C11orf21: variants seen among roughly 807,000 people sequenced by gnomAD.
The protein encoded by C11orf21 is uncharacterized protein C11orf21.
A neutral mutation model predicts 15.2 loss-of-function variants in C11orf21; 19 were observed. The observed-to-expected ratio is 1.25, with a 90% CI of 0.87 to 1.84. The LOEUF (loss-of-function observed/expected upper bound fraction) is 1.84. Ranked by LOEUF, C11orf21 falls within the 40% of genes most tolerant of loss-of-function variation. The pLI is 0.00. For synonymous variants in C11orf21, 62 were observed against 66.8 expected (o/e 0.93, Z 0.35); for missense variants, 171 against 174.4 (o/e 0.98, Z 0.11).
At chr11:2,298,014 A>C (rs1488551061) in intron 3 of C11orf21, 93 bp from the exon 4 acceptor site, 1 of 152,178 alleles carries the variant, frequency 6.6e-6, no homozygotes, top group East Asian at 1.9e-4. Flanking sequence ...AGGGACCTTC[A>C]TGTCCTCATC....
At chr11:2,301,287 C>A in intron 1 of C11orf21, 1 of 195,056 alleles carries the variant, frequency 5.1e-6, no homozygotes, top group South Asian at 8.8e-5. Context: ...CGAGCAGAGC[C>A]GCCTGTTAGC....
rs1351168104 is a variant in C11orf21, at chr11:2,301,738, C to T, written c.53+18G>A. ...AGGCCCAGTCCACACTTGCTCACTC[C>T]CAGGACGGGGAGCTCACCTCCTCCT... On this transcript the variant is annotated intron_variant, in intron 1 of 3. Transcript: ENST00000381153. 1 of 1,543,474 alleles carries T rather than the reference C, an allele frequency of 6.5e-7. No individual in the cohort carries two copies.
chr11:2,297,100 G>C lies in C11orf21; in HGVS notation c.*850C>G, dbSNP rs971522383. On this transcript the variant is annotated 3_prime_UTR_variant, in exon 4 of 4. Coordinates refer to ENST00000381153, the MANE Select transcript of C11orf21 (RefSeq NM_001329958.2). ...CTGCTGGCAACTGGTCACCCAGAGA[G>C]CATGGGCTGCAGGGATGGCCCTGAG... The C allele has an allele frequency of 5.3e-5, 8 of 152,366 alleles. No individual in the cohort carries two copies. Among genetic ancestry groups the C allele is most frequent in the Non-Finnish European group, 1.2e-4 (8 of 68,156 alleles). 9.4% of individuals were successfully genotyped at this position (152,366 alleles called of 1,614,324 possible). A position where few individuals can be genotyped will look rare whatever the true frequency, so the allele number is the denominator to read the frequency against.
At chr11:2,298,003 C>G (rs1272899522) in intron 3 of C11orf21, 82 bp from the exon 4 acceptor site, 1 of 152,176 alleles carries the variant, frequency 6.6e-6, no homozygotes, top group Non-Finnish European at 1.5e-5. Context: ...CCTATGGGAC[C>G]AGGGACCTTC....
chr11:2,299,302 C>G, intron 3 of C11orf21, 126 bp downstream of exon 3: 1 of 1,074,760 alleles, frequency 9.3e-7, no homozygotes, highest in Non-Finnish European at 1.3e-6. Flanking sequence ...CAGGTCTCTT[C>G]AAGCTCCAGG....
Position 2,299,461 on chromosome 11 carries a change from A to C in C11orf21, c.394T>G (p.Ser132Ala). 6.5e-7 allele frequency: 1 copy of C among 1,550,080 alleles called. No individual in the cohort carries two copies. Among genetic ancestry groups the C allele is most frequent in the Non-Finnish European group, 8.7e-7 (1 of 1,146,828 alleles). ...PRARRWQPLP[S>A] ...GACAGAAAAGGGTCCCTGTCTCAGG[A>C]AGGTAGAGGCTGCCACCTCCTGGCC... The change falls in exon 3 of 4, where the codon TCC (serine) becomes GCC (alanine). Residue 132 changes from serine to alanine, a missense_variant. Coordinates refer to ENST00000381153, the MANE Select transcript of C11orf21 (RefSeq NM_001329958.2).
At chr11:2,301,375 C>T (rs918822311) in intron 1 of C11orf21, 1 of 209,294 alleles carries the variant, frequency 4.8e-6, no homozygotes, top group Non-Finnish European at 9.7e-6. Context: ...GCCCACCCTG[C>T]CCCAGAGGCC....
chr11:2,301,919 G>C, upstream of C11orf21: 2 of 1,529,618 alleles, frequency 1.3e-6, no homozygotes, highest in Non-Finnish European at 1.8e-6. Flanking sequence ...GGGCTGGGCT[G>C]GGGGCACCAG....
At chr11:2,303,006 AG>A (rs1847853956), upstream of C11orf21, 1 of 1,546,354 alleles carries the variant, frequency 6.5e-7, no homozygotes, top group Admixed American at 1.7e-5. Flanking sequence ...CTCGGGTGCA[AG>A]GGTGGCTGGC....
At chr11:2,300,448 C>T in intron 2 of C11orf21, 72 bp downstream of exon 2, 1 of 967,922 alleles carries the variant, frequency 1.0e-6, no homozygotes, top group Non-Finnish European at 1.5e-6. Flanking sequence ...TGTGGCTCAG[C>T]AAAGGGCGTG....
At chr11:2,302,533 G>A (rs190287607), upstream of C11orf21, among the ~76,000 whole-genome samples, 167 of 152,308 alleles carry the variant, frequency 1.1e-3, no homozygotes, top group Non-Finnish European at 1.9e-3. Flanking sequence ...TTCCTGCCCC[G>A]GAGGGTGCTG....
chr11:2,299,569 G>T lies in C11orf21; in HGVS notation c.286C>A (p.Pro96Thr), dbSNP rs1474206465. The T allele has an allele frequency of 6.4e-7, 1 of 1,550,864 alleles. No individual in the cohort carries two copies. The highest frequency in any genetic ancestry group is 8.7e-7 in the Non-Finnish European group (1 of 1,146,996). ...WLACCCCLSL[P>T]GQLPLAIRLG... ...CGGATAGCCAGGGGCAACTGCCCAG[G>T]TAAACTGAGACAGCAGCAGCAGGCA... The change falls in exon 3 of 4, where the codon CCT becomes ACT. Residue 96 changes from proline to threonine, a missense_variant. Coordinates refer to ENST00000381153, the MANE Select transcript of C11orf21 (RefSeq NM_001329958.2).
chr11:2,298,892 G>GT (rs137929946), intron 3 of C11orf21, among the ~76,000 whole-genome samples: 115 of 99,872 alleles, frequency 1.2e-3, no homozygotes, highest in African/African-American at 4.5e-3. Flanking sequence ...TAGGCTCCTT[G>GT]GGGGGGGAAG....
At chr11:2,298,710 A>C (rs977439565) in intron 3 of C11orf21, among the ~76,000 whole-genome samples, 2 of 152,102 alleles carry the variant, frequency 1.3e-5, no homozygotes, top group Admixed American at 6.5e-5. Flanking sequence ...GCCCGGCCCC[A>C]CATACTAGTG....
chr11:2,297,879 C>G lies in C11orf21; in HGVS notation c.*71G>C, dbSNP rs1251700586. 4 of 152,224 alleles carry G rather than the reference C, an allele frequency of 2.6e-5. No individual in the cohort carries two copies. Among genetic ancestry groups the G allele is most frequent in the Admixed American group, 1.3e-4 (2 of 15,284 alleles). The allele number at this position is 152,224 out of a possible 1,614,324, so 9.4% of individuals were successfully genotyped here. On this transcript the variant is annotated 3_prime_UTR_variant, in exon 4 of 4. Transcript: ENST00000381153. ...GTCTTGGTGAGGGCTCTCTTCCTGG[C>G]TTACAGATGGCTGCCTTCTCTCTGT...
At chr11:2,301,654 C>T in intron 1 of C11orf21, 102 bp downstream of exon 1, 2 of 974,120 alleles carry the variant, frequency 2.1e-6, no homozygotes, top group East Asian at 5.3e-5. Flanking sequence ...CCTAAGAACA[C>T]CTCAATAATG....
intron 3 of C11orf21, among the ~76,000 whole-genome samples, chr11:2,298,384 T>G (rs558905929): frequency 6.6e-6 from 1 of 152,254 alleles, no homozygotes; most frequent in South Asian, 2.1e-4. Flanking sequence ...CCCCAGCTGG[T>G]CATGAAACAG....
chr11:2,300,474 C>G (rs1460055221), intron 2 of C11orf21, 46 bp downstream of exon 2: 2 of 1,298,188 alleles, frequency 1.5e-6, no homozygotes, highest in Non-Finnish European at 2.1e-6. Flanking sequence ...TCCACCGGCT[C>G]CCTGCCCCCG....
In C11orf21 at chr11:2,299,570, TAAACTGAGACA is replaced by T. The variant is rs1847623097; in HGVS notation, c.274_284del (p.Cys92ThrfsTer52). On this transcript the variant is annotated frameshift_variant, in exon 3 of 4. Coordinates refer to ENST00000381153, the MANE Select transcript of C11orf21 (RefSeq NM_001329958.2). LOFTEE classifies it high-confidence loss of function. ...GGATAGCCAGGGGCAACTGCCCAGG[TAAACTGAGACA>T]GCAGCAGCAGGCAAGCCAGTGCAGA... The T allele has an allele frequency of 1.3e-6, 2 of 1,550,716 alleles. No homozygotes were observed. The highest frequency in any genetic ancestry group is 2.4e-5 in the East Asian group (1 of 40,900).
Sources: allele counts gnomAD v4.1 joint callset (sites outside exome capture counted in the v4.1 genomes callset), GRCh38; gene constraint gnomAD v4.1.1; transcripts MANE v1.5; gene names NCBI Gene and HGNC (gene_info 2026-07-23, HGNC 2026-07-21).